Variants in ATRNL1 observed in about 807,000 individuals in gnomAD.
The protein encoded by ATRNL1 is attractin-like protein 1.
ATRNL1 carries 95 observed loss-of-function variants against 182.7 expected under a neutral mutation model. The observed-to-expected ratio is 0.52, with a 90% CI of 0.44 to 0.62. The LOEUF (loss-of-function observed/expected upper bound fraction) is 0.62, where lower values mean the gene tolerates loss of function less well. Among genes scored for constraint, ATRNL1 ranks in the 20% least tolerant of loss-of-function variants. The pLI, the probability that ATRNL1 is intolerant of heterozygous loss-of-function variation, is 0.00. For missense variants in ATRNL1, 1,471 were observed against 1,679.5 expected, an observed-to-expected ratio of 0.88 and a Z score of 2.17; for synonymous variants, 576 against 568.3, an observed-to-expected ratio of 1.01 and a Z score of -0.19.
At chr10:115,260,064 T>G (rs900830237) in intron 10 of ATRNL1, among the ~76,000 whole-genome samples, 4 of 152,192 alleles carry the variant, frequency 2.6e-5, no homozygotes, top group African/African-American at 9.6e-5. Flanking sequence ...GCTACATGTA[T>G]TGAAAGGCAA....
At chr10:115,341,354 A>G (rs1050177111) in intron 19 of ATRNL1, among the ~76,000 whole-genome samples, 4 of 151,778 alleles carry the variant, frequency 2.6e-5, no homozygotes, top group Non-Finnish European at 5.9e-5. Context: ...GTTTTATTCC[A>G]TTGTGGTCAG....
At chr10:115,803,081 C>CCA (rs1949835273) in intron 27 of ATRNL1, among the ~76,000 whole-genome samples, 1 of 152,230 alleles carries the variant, frequency 6.6e-6, no homozygotes, top group African/African-American at 2.4e-5. Context: ...ATAATAAAAG[C>CCA]CACACAGCCA....
chr10:115,177,903 G>T lies in ATRNL1; in HGVS notation c.1348+6611G>T, dbSNP rs376320147. Among the ~76,000 whole-genome samples the T allele has an allele frequency of 2.7e-3, 279 of 101,618 alleles. 1 individual carries two copies. Among genetic ancestry groups the T allele is most frequent in the Middle Eastern group, 0.011 (2 of 174 alleles). 66.7% of individuals were successfully genotyped at this position (101,618 alleles called of 152,430 possible). A position where few individuals can be genotyped will look rare whatever the true frequency, so the allele number is the denominator to read the frequency against. On this transcript the variant is annotated intron_variant, in intron 8 of 28. Coordinates refer to ENST00000355044, the MANE Select transcript of ATRNL1 (RefSeq NM_207303.4). ...TTTTTTTTTTTGGTTTTGTTTTTTT[G>T]TTTTTTTTGTTTTTTTTTTTGTTTT...
chr10:115,094,985 G>A (rs1177507494), intron 1 of ATRNL1, among the ~76,000 whole-genome samples: 1 of 152,180 alleles, frequency 6.6e-6, no homozygotes, highest in Non-Finnish European at 1.5e-5. Flanking sequence ...AGCTCAAGGA[G>A]CCTAAGAAGT....
At chr10:115,813,972 T>A (rs547954031) in intron 27 of ATRNL1, among the ~76,000 whole-genome samples, 56 of 152,316 alleles carry the variant, frequency 3.7e-4, no homozygotes, top group African/African-American at 1.3e-3. Context: ...TTATCTTTTT[T>A]AATTTTCCTT....
chr10:115,705,606 A>G (rs1259463868), intron 26 of ATRNL1, among the ~76,000 whole-genome samples: 4 of 151,948 alleles, frequency 2.6e-5, no homozygotes, highest in Non-Finnish European at 5.9e-5. Context: ...TCACTATAAA[A>G]TTATGCAGGT....
rs112071062 is a variant in ATRNL1, at chr10:115,739,650, A to C, written c.3903+12295A>C. On this transcript the variant is annotated intron_variant, in intron 27 of 28. Transcript: ENST00000355044. ...GATTGTGTTTAAAACATTAACACAA[A>C]AGTAGTATTAACATCCTAATTAATA... Among the ~76,000 whole-genome samples the C allele has an allele frequency of 8.7e-3, 1,332 of 152,304 alleles. 29 individuals carry two copies. The highest frequency in any genetic ancestry group is 0.046 in the South Asian group (221 of 4,820).
intron 5 of ATRNL1, among the ~76,000 whole-genome samples, chr10:115,140,115 CT>C (rs1201376887): frequency 2.6e-5 from 4 of 152,162 alleles, no homozygotes; most frequent in Non-Finnish European, 5.9e-5. Context: ...TGTAAATTGC[CT>C]TTACATCTTT....
intron 19 of ATRNL1, among the ~76,000 whole-genome samples, chr10:115,351,432 T>C (rs1304171819): frequency 2.0e-5 from 3 of 152,084 alleles, no homozygotes; most frequent in Admixed American, 2.0e-4. Context: ...GTATCCCTAG[T>C]TTTTTGAGAG....
chr10:115,537,193 T>G (rs1325680151), intron 25 of ATRNL1, among the ~76,000 whole-genome samples: 4 of 152,178 alleles, frequency 2.6e-5, no homozygotes, highest in Admixed American at 6.5e-5. Context: ...GATGGTACGT[T>G]TTCTTGCAAC....
intron 21 of ATRNL1, among the ~76,000 whole-genome samples, chr10:115,431,401 TAAAA>T (rs3981285): frequency 2.7e-5 from 3 of 110,850 alleles, no homozygotes; most frequent in African/African-American, 6.1e-5. Flanking sequence ...AGAGTGAAAC[TAAAA>T]AAAAAAAAAA....
chr10:115,779,574 G>A (rs781791685), intron 27 of ATRNL1, among the ~76,000 whole-genome samples: 5 of 152,208 alleles, frequency 3.3e-5, no homozygotes, highest in Non-Finnish European at 7.3e-5. Context: ...CCTGCCAAAA[G>A]TACAGCTGAG....
In ATRNL1 at chr10:115,914,348, A is replaced by G. The variant is rs1338522143; in HGVS notation, c.4019-30310A>G. On this transcript the variant is annotated intron_variant, in intron 28 of 28. Transcript: ENST00000355044. ...AAAAGTCACTGGGGAAGGATAGGAT[A>G]GAGAGGAAGAAATCTGGTGTTGTCT... Among the ~76,000 whole-genome samples the G allele has an allele frequency of 3.3e-5, 5 of 152,230 alleles. No individual in the cohort carries two copies. The East Asian group carries it at 9.6e-4, about 29-fold the overall frequency.
chr10:115,168,959 G>T (rs1847170104), intron 7 of ATRNL1, among the ~76,000 whole-genome samples: 1 of 141,554 alleles, frequency 7.1e-6, no homozygotes, highest in East Asian at 2.0e-4. Flanking sequence ...CTTGCATTTA[G>T]TTCTTTGACC....
chr10:115,798,249 C>T (rs556312213), intron 27 of ATRNL1, among the ~76,000 whole-genome samples: 2 of 152,142 alleles, frequency 1.3e-5, no homozygotes, highest in Non-Finnish European at 2.9e-5. Flanking sequence ...CACACCCCAC[C>T]TACCTTTCCC....
intron 25 of ATRNL1, among the ~76,000 whole-genome samples, chr10:115,520,621 G>A (rs1850878148): frequency 6.6e-6 from 1 of 152,182 alleles, no homozygotes; most frequent in South Asian, 2.1e-4. Context: ...TAGCTCCTCA[G>A]ATGGCATTTT....
chr10:115,430,789 G>T (rs1846122825), intron 21 of ATRNL1, among the ~76,000 whole-genome samples: 1 of 152,082 alleles, frequency 6.6e-6, no homozygotes, highest in Admixed American at 6.5e-5. Flanking sequence ...AGGCAATTTT[G>T]TTTGTCACAA....
intron 24 of ATRNL1, among the ~76,000 whole-genome samples, chr10:115,503,592 A>G (rs1321583662): frequency 6.6e-6 from 1 of 152,158 alleles, no homozygotes; most frequent in Non-Finnish European, 1.5e-5. Context: ...TTAACCAATT[A>G]TGTAGTGTAT....
chr10:115,170,321 T>C (rs1554885241), intron 7 of ATRNL1, among the ~76,000 whole-genome samples: 1 of 152,168 alleles, frequency 6.6e-6, no homozygotes, highest in Non-Finnish European at 1.5e-5. Flanking sequence ...TTTGTTGAAA[T>C]AATGATAATT....
Sources: allele counts gnomAD v4.1 joint callset (sites outside exome capture counted in the v4.1 genomes callset), GRCh38; gene constraint gnomAD v4.1.1; transcripts MANE v1.5; gene names NCBI Gene and HGNC (gene_info 2026-07-23, HGNC 2026-07-21).